The following CACNA2D1 variants were observed in gnomAD, a reference collection of about 807,000 sequenced individuals.
The protein encoded by CACNA2D1 is voltage-dependent calcium channel subunit alpha-2/delta-1.
CACNA2D1 carries 53 observed loss-of-function variants against 171.5 expected under a neutral mutation model. The observed-to-expected ratio is 0.31, with a 90% CI of 0.25 to 0.39. The LOEUF is 0.39. Ranked by LOEUF, CACNA2D1 falls within the 10% of genes least tolerant of loss-of-function variation. CACNA2D1 has a pLI of 1.00. For missense variants in CACNA2D1, 903 were observed against 1,299.8 expected, an observed-to-expected ratio of 0.69 and a Z score of 4.69; for synonymous variants, 442 against 443.1, an observed-to-expected ratio of 1.00 and a Z score of 0.03.
intron 1 of CACNA2D1, among the ~76,000 whole-genome samples, chr7:82,357,775 T>A (rs1820617042): frequency 1.3e-5 from 2 of 150,302 alleles, no homozygotes; most frequent in Non-Finnish European, 3.0e-5. Context: ...GACCAGTTAA[T>A]GGGTGCAGCA....
chr7:81,960,271 G>A (rs575294779), intron 36 of CACNA2D1, among the ~76,000 whole-genome samples: 5 of 152,158 alleles, frequency 3.3e-5, no homozygotes, highest in African/African-American at 7.2e-5. Flanking sequence ...GTGCTATTAA[G>A]CAAACTTTCT....
intron 2 of CACNA2D1, among the ~76,000 whole-genome samples, chr7:82,342,180 T>A (rs1818749379): frequency 6.6e-6 from 1 of 152,088 alleles, no homozygotes; most frequent in Admixed American, 6.6e-5. Flanking sequence ...ACCTTTGAAA[T>A]TTTTTATGAC....
chr7:82,202,080 C>A (rs915613422), intron 3 of CACNA2D1, among the ~76,000 whole-genome samples: 1 of 152,172 alleles, frequency 6.6e-6, no homozygotes, highest in Non-Finnish European at 1.5e-5. Flanking sequence ...CACACAATTC[C>A]ACTCATTATA....
intron 3 of CACNA2D1, among the ~76,000 whole-genome samples, chr7:82,307,505 T>C (rs976318201): frequency 6.7e-6 from 1 of 150,208 alleles, no homozygotes; most frequent in African/African-American, 2.4e-5. Context: ...AAATTTATAA[T>C]TCTTAAAATA....
chr7:82,332,484 C>T lies in CACNA2D1; in HGVS notation c.294+2651G>A, dbSNP rs556941303. Among the ~76,000 whole-genome samples, 19 of 103,210 alleles carry T rather than the reference C, an allele frequency of 1.8e-4. No individual in the cohort carries two copies. In the South Asian group the frequency reaches 2.4e-3, roughly 13 times the overall value. 67.7% of individuals were successfully genotyped at this position (103,210 alleles called of 152,430 possible). A position where few individuals can be genotyped will look rare whatever the true frequency, so the allele number is the denominator to read the frequency against. On this transcript the variant is annotated intron_variant, in intron 3 of 38. Transcript: ENST00000356860. ...AAGAAGCATAATATAAAGAAAGAAA[C>T]GAAGCATAGAAATAAAAAAGAAATA...
At chr7:82,079,623 C>G (rs985238689) in intron 7 of CACNA2D1, among the ~76,000 whole-genome samples, 5 of 149,310 alleles carry the variant, frequency 3.3e-5, no homozygotes, top group Non-Finnish European at 1.5e-5. Context: ...ACCCAGGGGG[C>G]AGAGGTTGCA....
At chr7:82,022,674 G>A (rs1801374165) in intron 12 of CACNA2D1, among the ~76,000 whole-genome samples, 1 of 151,844 alleles carries the variant, frequency 6.6e-6, no homozygotes, top group Non-Finnish European at 1.5e-5. Context: ...TCAGATATTT[G>A]TAACTTGGTT....
chr7:81,979,743 T>C (rs1054014912), intron 24 of CACNA2D1, among the ~76,000 whole-genome samples: 4 of 152,204 alleles, frequency 2.6e-5, no homozygotes, highest in East Asian at 1.9e-4. Flanking sequence ...TCAAAGTAAC[T>C]TGAAATTAAT....
chr7:82,164,773 T>C (rs1180925657), intron 4 of CACNA2D1, among the ~76,000 whole-genome samples: 2 of 151,998 alleles, frequency 1.3e-5, no homozygotes, highest in East Asian at 3.9e-4. Flanking sequence ...TCTTAGATTA[T>C]GCATTAAATG....
chr7:82,227,688 T>C (rs1171465499), intron 3 of CACNA2D1, among the ~76,000 whole-genome samples: 2 of 152,202 alleles, frequency 1.3e-5, no homozygotes, highest in African/African-American at 4.8e-5. Flanking sequence ...TATTCCAGGT[T>C]CATAAACCAT....
chr7:82,200,261 G>A (rs540501045), intron 3 of CACNA2D1, among the ~76,000 whole-genome samples: 41 of 152,088 alleles, frequency 2.7e-4, no homozygotes, highest in Middle Eastern at 3.4e-3. Context: ...AGAATTTTTA[G>A]TGTAAATAAA....
intron 11 of CACNA2D1, among the ~76,000 whole-genome samples, chr7:82,035,894 A>G (rs1243195696): frequency 6.6e-6 from 1 of 152,166 alleles, no homozygotes; most frequent in Non-Finnish European, 1.5e-5. Flanking sequence ...ATTTTTATTA[A>G]TGAACATACA....
intron 3 of CACNA2D1, among the ~76,000 whole-genome samples, chr7:82,268,029 T>TCTACAAG (rs1471801657): frequency 1.3e-5 from 2 of 151,908 alleles, no homozygotes; most frequent in African/African-American, 4.8e-5. Flanking sequence ...ACCTACAGAC[T>TCTACAAG]CTACAAGCTG....
At chr7:82,159,842 CTG>C (rs1376938848) in intron 4 of CACNA2D1, among the ~76,000 whole-genome samples, 1 of 146,982 alleles carries the variant, frequency 6.8e-6, no homozygotes, top group African/African-American at 2.5e-5. Flanking sequence ...AAAAAAAAGA[CTG>C]TAATAAAGAG....
intron 3 of CACNA2D1, among the ~76,000 whole-genome samples, chr7:82,266,639 C>T (rs2129341891): frequency 6.6e-6 from 1 of 152,178 alleles, no homozygotes; most frequent in Admixed American, 6.5e-5. Context: ...GCCTCAGCCT[C>T]CCGAGTAGGC....
chr7:82,319,052 G>A (rs1815482977), intron 3 of CACNA2D1, among the ~76,000 whole-genome samples: 1 of 152,098 alleles, frequency 6.6e-6, no homozygotes, highest in Non-Finnish European at 1.5e-5. Context: ...CAAATACATG[G>A]GCAAAATATC....
chr7:82,293,772 T>C (rs1410034090), intron 3 of CACNA2D1, among the ~76,000 whole-genome samples: 1 of 152,188 alleles, frequency 6.6e-6, no homozygotes, highest in Non-Finnish European at 1.5e-5. Context: ...TTTAAACACT[T>C]TCAATGAATC....
chr7:82,157,446 C>T (rs1487709924), intron 4 of CACNA2D1, among the ~76,000 whole-genome samples: 1 of 151,958 alleles, frequency 6.6e-6, no homozygotes, highest in Non-Finnish European at 1.5e-5. Flanking sequence ...ATTGCCACCA[C>T]AAATAAAGAC....
chr7:82,290,799 T>C (rs1322880780), intron 3 of CACNA2D1, among the ~76,000 whole-genome samples: 3 of 151,798 alleles, frequency 2.0e-5, no homozygotes, highest in Non-Finnish European at 4.4e-5. Flanking sequence ...TTTCTCCATG[T>C]TGGTCAGGCT....
Sources: gnomAD v4.1 joint callset for allele counts (sites outside exome capture counted in the v4.1 genomes callset) on GRCh38, gnomAD v4.1.1 for gene constraint, MANE v1.5 for transcripts, NCBI Gene and HGNC (gene_info 2026-07-23, HGNC 2026-07-21) for gene names.